The following GRHL2 variants were observed in gnomAD, a reference collection of about 807,000 sequenced individuals.
GRHL2 encodes the protein grainyhead-like protein 2 homolog.
A neutral mutation model predicts 83.8 loss-of-function variants in GRHL2; 21 were observed. That is an observed-to-expected ratio of 0.25 (90% confidence interval 0.18 to 0.36). The LOEUF (loss-of-function observed/expected upper bound fraction) is 0.36, where lower values mean the gene tolerates loss of function less well. Among genes scored for constraint, GRHL2 ranks in the 10% least tolerant of loss-of-function variants. The probability of loss-of-function intolerance (pLI) is 1.00; values close to 1 mark genes in which losing one functional copy is unlikely to be tolerated. For missense variants in GRHL2, 623 were observed against 781.8 expected (o/e 0.80, Z 2.42); for synonymous variants, 280 against 278.9 (o/e 1.00, Z -0.04).
intron 1 of GRHL2, among the ~76,000 whole-genome samples, chr8:101,509,539 T>C (rs1271645756): frequency 1.3e-5 from 2 of 152,206 alleles, no homozygotes; most frequent in African/African-American, 2.4e-5. Context: ...AAAGTGTTGA[T>C]GGCATTAGAG....
At chr8:101,675,359 A>T in the GRHL2 span, among the ~76,000 whole-genome samples, 21 of 152,228 alleles carry the variant, frequency 1.4e-4, no homozygotes, top group Admixed American at 1.4e-3. Flanking sequence ...ACCTCAGCAA[A>T]GTCTCAGGAT....
intron 12 of GRHL2, among the ~76,000 whole-genome samples, chr8:101,638,977 GC>G (rs537021093): frequency 7.6e-4 from 116 of 152,312 alleles, no homozygotes; most frequent in African/African-American, 2.7e-3. Flanking sequence ...TGAGCATCTT[GC>G]GTAAGATCTC....
chr8:101,659,445 AATG>A (rs1813870533), intron 14 of GRHL2, among the ~76,000 whole-genome samples: 1 of 152,172 alleles, frequency 6.6e-6, no homozygotes, highest in South Asian at 2.1e-4. Context: ...CAGCTCTAGA[AATG>A]ATGTGGAAGC....
Position 101,496,147 on chromosome 8 carries a change from C to CA in GRHL2, c.20+3376dup, listed in dbSNP as rs34918770. Among the ~76,000 whole-genome samples, 1,078 of 113,132 alleles carry CA rather than the reference C, an allele frequency of 9.5e-3. 24 individuals are homozygous for CA. Among genetic ancestry groups the CA allele is most frequent in the African/African-American group, 0.023 (636 of 27,838 alleles). 74.2% of individuals were successfully genotyped at this position (113,132 alleles called of 152,430 possible). ...TGGGTGACAGTGCGAGACTCCATCT[C>CA]AAAAAAAAAAAAAAAAAATACAGGT... is the stretch of plus-strand genomic sequence containing the variant. On this transcript the variant is annotated intron_variant, in intron 1 of 15. Coordinates refer to ENST00000646743, the MANE Select transcript of GRHL2 (RefSeq NM_024915.4).
chr8:101,509,147 T>A, intron 1 of GRHL2, among the ~76,000 whole-genome samples: 1 of 84,420 alleles, frequency 1.2e-5, no homozygotes, highest in Admixed American at 1.1e-4. Flanking sequence ...CCTTCCTTCC[T>A]TCCTTCCTTC....
chr8:101,573,828 G>A lies in GRHL2; in HGVS notation c.891+4G>A, dbSNP rs1468999302. 6.2e-7 allele frequency: 1 copy of A among 1,614,190 alleles called. No individual in the cohort carries two copies. Among genetic ancestry groups the A allele is most frequent in the Non-Finnish European group, 8.5e-7 (1 of 1,180,014 alleles). On this transcript the variant is annotated splice_donor_region_variant and intron_variant, in intron 6 of 15. Coordinates refer to ENST00000646743, the MANE Select transcript of GRHL2 (RefSeq NM_024915.4). ...ACACCCCATCAGCAAAGTCAGGGTAGGGGCCACATTTCTCAGATAAAGTAC... is the reference window on the plus strand; with the variant it reads ...ACACCCCATCAGCAAAGTCAGGGTAAGGGCCACATTTCTCAGATAAAGTAC...
At chr8:101,531,557 TACAC>T (rs148930541) in intron 1 of GRHL2, among the ~76,000 whole-genome samples, 2 of 151,356 alleles carry the variant, frequency 1.3e-5, no homozygotes, top group East Asian at 1.9e-4. Flanking sequence ...GATTTTGATT[TACAC>T]ACACACACAC....
intron 8 of GRHL2, among the ~76,000 whole-genome samples, chr8:101,601,589 A>C (rs572503230): frequency 1.3e-5 from 2 of 152,232 alleles, no homozygotes; most frequent in East Asian, 1.9e-4. Context: ...TGCTCAGAGC[A>C]GTCAAGTTTA....
intron 1 of GRHL2, among the ~76,000 whole-genome samples, chr8:101,504,406 A>C (rs1248589981): frequency 1.3e-5 from 2 of 152,228 alleles, no homozygotes; most frequent in Non-Finnish European, 1.5e-5. Flanking sequence ...GGAATGACTA[A>C]GAATGAAAGA....
chr8:101,518,238 G>A (rs976694857), intron 1 of GRHL2, among the ~76,000 whole-genome samples: 2 of 152,048 alleles, frequency 1.3e-5, no homozygotes, highest in Non-Finnish European at 2.9e-5. Flanking sequence ...GCAAAAACCC[G>A]TTTCTACAAA....
chr8:101,623,191 T>A (rs1394420292), intron 9 of GRHL2, among the ~76,000 whole-genome samples: 1 of 152,266 alleles, frequency 6.6e-6, no homozygotes, highest in African/African-American at 2.4e-5. Context: ...GGCATAGCAG[T>A]AAATATCCCT....
intron 9 of GRHL2, among the ~76,000 whole-genome samples, chr8:101,627,385 G>C (rs1179101994): frequency 6.6e-6 from 1 of 151,940 alleles, no homozygotes; most frequent in East Asian, 1.9e-4. Context: ...TGTTACTATT[G>C]TAATTGTTTT....
intron 1 of GRHL2, among the ~76,000 whole-genome samples, chr8:101,504,841 T>TGTCGCCAAC (rs767055995): frequency 1.2e-4 from 18 of 151,972 alleles, no homozygotes; most frequent in Non-Finnish European, 2.1e-4. Flanking sequence ...ATGGAAGTGT[T>TGTCGCCAAC]GTCGCCAACG....
chr8:101,610,890 C>G (rs7838983), intron 8 of GRHL2, among the ~76,000 whole-genome samples: 75,072 of 150,428 alleles, frequency 0.5, 21,028 homozygotes, highest in African/African-American at 0.71. Flanking sequence ...CCAACATAAC[C>G]GAGAAGATGG....
chr8:101,641,152 A>C (rs1813392887), intron 12 of GRHL2, among the ~76,000 whole-genome samples: 1 of 152,146 alleles, frequency 6.6e-6, no homozygotes, highest in Non-Finnish European at 1.5e-5. Context: ...ATTCTCTCAA[A>C]TGATTTATAT....
intron 7 of GRHL2, among the ~76,000 whole-genome samples, chr8:101,595,311 A>C (rs903563992): frequency 6.6e-6 from 1 of 152,260 alleles, no homozygotes; most frequent in Non-Finnish European, 1.5e-5. Flanking sequence ...CAATTTTAAC[A>C]GAAGACATTT....
At position 101,611,352 on chromosome 8, in the gene GRHL2, G is replaced by A. The variant is rs947669642; in HGVS notation, c.1099-8187G>A. Among the ~76,000 whole-genome samples, 2 of 150,738 alleles carry A rather than the reference G, an allele frequency of 1.3e-5. 1 individual carries two copies. The highest frequency in any genetic ancestry group is 5.0e-5 in the African/African-American group (2 of 40,212). On this transcript the variant is annotated intron_variant, in intron 8 of 15. Coordinates refer to ENST00000646743, the MANE Select transcript of GRHL2 (RefSeq NM_024915.4). ...TCTCACAAAACTTCACTTGTGAGTT[G>A]ATCTCCTTTATCCCCTGATTCTGAG...
In GRHL2 at chr8:101,669,336, T is replaced by G. The variant is rs1348261906; in HGVS notation, c.*2633T>G. 6.6e-6 allele frequency: 1 copy of G among 151,822 alleles called. No individual in the cohort carries two copies. 9.4% of individuals were successfully genotyped at this position (151,822 alleles called of 1,614,324 possible). ...CTCCAAATTGTTTAAACTTACTTTA[T>G]GAGTGTTTGTTTAGAAGTTCGGACC... On this transcript the variant is annotated 3_prime_UTR_variant, in exon 16 of 16. Transcript: ENST00000646743.
chr8:101,652,384 G>GTGGT (rs1372190037), intron 14 of GRHL2, among the ~76,000 whole-genome samples: 3 of 61,440 alleles, frequency 4.9e-5, no homozygotes, highest in East Asian at 4.5e-4. Context: ...ATGTGTGTGT[G>GTGGT]GTGTGTGTGT....
Sources: gnomAD v4.1 joint callset for allele counts (sites outside exome capture counted in the v4.1 genomes callset) on GRCh38, gnomAD v4.1.1 for gene constraint, MANE v1.5 for transcripts, NCBI Gene and HGNC (gene_info 2026-07-23, HGNC 2026-07-21) for gene names.